The following VAC14 variants were observed in gnomAD, a reference collection of about 807,000 sequenced individuals.
The protein encoded by VAC14 is protein VAC14 homolog.
A neutral mutation model predicts 85.3 loss-of-function variants in VAC14; 47 were observed. The ratio of observed to expected loss-of-function variants is 0.55; its 90% CI spans 0.44 to 0.70. VAC14 has a LOEUF of 0.70. Ranked by LOEUF, VAC14 falls within the 30% of genes least tolerant of loss-of-function variation. VAC14 has a pLI of 0.00. For synonymous variants in VAC14, 447 were observed against 430.5 expected (o/e 1.04, Z -0.47); for missense variants, 861 against 1,004.3 (o/e 0.86, Z 1.93).
At chr16:70,694,426 T>TC (rs1879129950) in intron 17 of VAC14, among the ~76,000 whole-genome samples, 1 of 152,220 alleles carries the variant, frequency 6.6e-6, no homozygotes, top group Admixed American at 6.5e-5. Context: ...GAGCAGGGTC[T>TC]CCCCCCTGCT....
chr16:70,788,039 G>C (rs2034150154), intron 1 of VAC14, among the ~76,000 whole-genome samples: 1 of 152,214 alleles, frequency 6.6e-6, no homozygotes, highest in African/African-American at 2.4e-5. Flanking sequence ...TCCTTGCTTT[G>C]CATCAAATCA....
intron 13 of VAC14, among the ~76,000 whole-genome samples, chr16:70,742,880 C>T (rs975139285): frequency 2.6e-5 from 4 of 152,244 alleles, no homozygotes; most frequent in East Asian, 1.9e-4. Flanking sequence ...TGGACTTCCT[C>T]GGTCTAGTGG....
intron 14 of VAC14, chr16:70,714,522 G>C (rs2054109338): frequency 6.6e-6 from 1 of 152,186 alleles, no homozygotes; most frequent in South Asian, 2.1e-4. Flanking sequence ...TCAGGAAAAG[G>C]GCTGGAAGGA....
intron 17 of VAC14, 140 bp from the exon 18 acceptor site, chr16:70,693,111 G>T: frequency 1.7e-6 from 2 of 1,182,622 alleles, no homozygotes; most frequent in Non-Finnish European, 2.3e-6. Context: ...CAGCTGTGTG[G>T]ACCCAGCCAG....
intron 14 of VAC14, among the ~76,000 whole-genome samples, chr16:70,706,958 C>G (rs918656699): frequency 7.2e-5 from 11 of 152,122 alleles, no homozygotes; most frequent in African/African-American, 2.7e-4. Context: ...ACAGAGAAGG[C>G]CTGGACCGCT....
chr16:70,782,922 G>T, intron 7 of VAC14, 111 bp downstream of exon 7: 2 of 980,214 alleles, frequency 2.0e-6, no homozygotes, highest in Non-Finnish European at 3.1e-6. Context: ...TTCCTACCAG[G>T]AATCTCCCCT....
chr16:70,795,038 T>C (rs992054721), intron 1 of VAC14, among the ~76,000 whole-genome samples: 2 of 152,250 alleles, frequency 1.3e-5, no homozygotes, highest in Admixed American at 6.5e-5. Context: ...TCACATGCTG[T>C]GCAGGTTTGT....
intron 13 of VAC14, among the ~76,000 whole-genome samples, chr16:70,733,615 T>C (rs2054660082): frequency 6.6e-6 from 1 of 152,022 alleles, no homozygotes; most frequent in African/African-American, 2.4e-5. Context: ...GATCTGGCTG[T>C]TTAAAAGCGT....
chr16:70,749,608 G>C (rs1183430907), intron 12 of VAC14, among the ~76,000 whole-genome samples: 1 of 152,220 alleles, frequency 6.6e-6, no homozygotes, highest in Non-Finnish European at 1.5e-5. Flanking sequence ...TTTAAATAAA[G>C]CAGGACCCCG....
chr16:70,692,074 G>A (rs1336842426), intron 18 of VAC14: 2 of 982,338 alleles, frequency 2.0e-6, no homozygotes, highest in African/African-American at 1.8e-5. Context: ...TTTCCATCTC[G>A]GATGCCAAAT....
At position 70,786,379 on chromosome 16, in the gene VAC14, A is replaced by G. The variant is rs772611091; in HGVS notation, c.105-14T>C. 1.2e-6 allele frequency: 2 copies of G among 1,611,180 alleles called. No individual in the cohort carries two copies. Among genetic ancestry groups the G allele is most frequent in the African/African-American group, 1.3e-5 (1 of 74,858 alleles). On this transcript the variant is annotated splice_polypyrimidine_tract_variant and intron_variant, in intron 1 of 18. Transcript: ENST00000261776. ...TCCCGGACCAGCCTGGAGAGAGAGG[A>G]GAGAGGGGCTGTGGGAATCAGGCTA...
rs778080218 is a variant in VAC14, at chr16:70,784,110, T to C, written c.594+3A>G. ...GGAGAAACGGTGTCCGGCCAGGCCT[T>C]ACCCAGGAGATGATGAACTGCCGGG... is the stretch of plus-strand genomic sequence containing the variant. On this transcript the variant is annotated splice_donor_region_variant and intron_variant, in intron 5 of 18. Coordinates refer to ENST00000261776, the MANE Select transcript of VAC14 (RefSeq NM_018052.5). The C allele has an allele frequency of 2.5e-6, 4 of 1,613,522 alleles. No individual in the cohort carries two copies. In the Admixed American group the frequency reaches 5.0e-5, roughly 20 times the overall value.
chr16:70,775,436 C>G (rs1363676545), intron 9 of VAC14, among the ~76,000 whole-genome samples: 1 of 152,236 alleles, frequency 6.6e-6, no homozygotes, highest in Non-Finnish European at 1.5e-5. Flanking sequence ...TTGCATCTTT[C>G]ACTCTGTCCT....
intron 15 of VAC14, among the ~76,000 whole-genome samples, chr16:70,697,810 G>T (rs2053744160): frequency 6.6e-6 from 1 of 152,238 alleles, no homozygotes; most frequent in African/African-American, 2.4e-5. Context: ...CAGGGCTGTG[G>T]CCTGGATCGT....
At chr16:70,689,149 G>A (rs954829058) in intron 18 of VAC14, 1 of 977,068 alleles carries the variant, frequency 1.0e-6, no homozygotes, top group Non-Finnish European at 1.2e-6. Flanking sequence ...CTTCCTAGCG[G>A]TGTGACTTGA....
At chr16:70,705,653 G>A (rs62047967) in intron 14 of VAC14, among the ~76,000 whole-genome samples, 1 of 152,152 alleles carries the variant, frequency 6.6e-6, no homozygotes, top group African/African-American at 2.4e-5. Context: ...GAGGCTGGGG[G>A]CGCCTGCTCC....
At chr16:70,751,849 C>T (rs373549277) in intron 12 of VAC14, among the ~76,000 whole-genome samples, 36 of 152,360 alleles carry the variant, frequency 2.4e-4, no homozygotes, top group African/African-American at 5.8e-4. Context: ...AGGCAGCAAT[C>T]GGGCCCTGGC....
At chr16:70,694,152 C>T (rs2053658908) in intron 17 of VAC14, among the ~76,000 whole-genome samples, 1 of 152,234 alleles carries the variant, frequency 6.6e-6, no homozygotes, top group Non-Finnish European at 1.5e-5. Flanking sequence ...CTCCTGTTAC[C>T]CTGCCCCAGC....
At chr16:70,778,808 T>C (rs1191753805) in intron 9 of VAC14, 1 of 152,250 alleles carries the variant, frequency 6.6e-6, no homozygotes, top group Non-Finnish European at 1.5e-5. Context: ...GATAGTCTTG[T>C]TTCTTTGCAT....
Sources: gnomAD v4.1 joint callset for allele counts (sites outside exome capture counted in the v4.1 genomes callset) on GRCh38, gnomAD v4.1.1 for gene constraint, MANE v1.5 for transcripts, NCBI Gene and HGNC (gene_info 2026-07-23, HGNC 2026-07-21) for gene names.